The following ATP13A5 variants were observed in gnomAD, a reference collection of about 807,000 sequenced individuals.
ATP13A5 encodes ATPase 13A5, also known as probable cation-transporting ATPase 13A5.
Under a neutral mutation model 150.2 loss-of-function variants are expected in ATP13A5, and 149 were observed. The observed-to-expected ratio is 0.99, with a 90% CI of 0.87 to 1.14. The LOEUF is 1.14. Among genes scored for constraint, ATP13A5 ranks in the 50% most tolerant of loss-of-function variants. The pLI, the probability that ATP13A5 is intolerant of heterozygous loss-of-function variation, is 0.00. For synonymous variants in ATP13A5, 497 were observed against 522.2 expected, an observed-to-expected ratio of 0.95 and a Z score of 0.66; for missense variants, 1,383 against 1,449.3, an observed-to-expected ratio of 0.95 and a Z score of 0.74.
intron 9 of ATP13A5, among the ~76,000 whole-genome samples, chr3:193,341,633 C>G (rs1339260903): frequency 2.0e-5 from 3 of 152,098 alleles, no homozygotes; most frequent in African/African-American, 7.2e-5. Flanking sequence ...TCCATCAGAC[C>G]CCTCTCCCTG....
At chr3:193,309,449 T>C (rs1718754199) in intron 21 of ATP13A5, among the ~76,000 whole-genome samples, 1 of 152,130 alleles carries the variant, frequency 6.6e-6, no homozygotes, top group African/African-American at 2.4e-5. Flanking sequence ...ACAGAACAAA[T>C]GCTCTCTGGA....
At chr3:193,318,395 C>A (rs556463062) in intron 17 of ATP13A5, among the ~76,000 whole-genome samples, 2 of 152,040 alleles carry the variant, frequency 1.3e-5, no homozygotes, top group Non-Finnish European at 2.9e-5. Flanking sequence ...AACTGAAGAA[C>A]GTTGAAAGAA....
At chr3:193,287,070 A>C (rs1161760156) in intron 26 of ATP13A5, among the ~76,000 whole-genome samples, 1 of 152,136 alleles carries the variant, frequency 6.6e-6, no homozygotes, top group Non-Finnish European at 1.5e-5. Context: ...ACTCCCTTCA[A>C]TTCTTTGAAG....
At chr3:193,362,120 T>TA (rs556974781) in intron 5 of ATP13A5, among the ~76,000 whole-genome samples, 10 of 151,888 alleles carry the variant, frequency 6.6e-5, no homozygotes, top group South Asian at 4.2e-4. Flanking sequence ...AAAGGAAAAA[T>TA]AAAAAAACAA....
rs184889278 is a variant in ATP13A5 at position 193,314,592 on chromosome 3, G to A, written c.2158+380C>T. 1.2e-4 allele frequency among the ~76,000 whole-genome samples: 18 copies of A among 152,188 alleles called. No homozygotes were observed. In the East Asian group the frequency reaches 2.1e-3, roughly 18 times the overall value. ...GGGTCAGGCTGTGCTTGGGTTTGAC[G>A]ATCATACACCATGCCTGGCCCTACT... On this transcript the variant is annotated intron_variant, in intron 18 of 29. Coordinates refer to ENST00000342358, the MANE Select transcript of ATP13A5 (RefSeq NM_198505.4).
rs193276633 is a variant in ATP13A5 at position 193,348,768 on chromosome 3, G to A, written c.741+2299C>T. On this transcript the variant is annotated intron_variant, in intron 7 of 29. Transcript: ENST00000342358. ...TCAACAGAATGATTTGGAGATAGCAGTAGATGCTCCTTCTTTCAGTCCTGC... is the reference window on the plus strand; with the variant it reads ...TCAACAGAATGATTTGGAGATAGCAATAGATGCTCCTTCTTTCAGTCCTGC... Among the ~76,000 whole-genome samples, 4 of 152,328 alleles carry A rather than the reference G, an allele frequency of 2.6e-5. No homozygotes were observed. The East Asian group carries it at 7.7e-4, about 29-fold the overall frequency.
chr3:193,353,098 G>A (rs1166639888), intron 6 of ATP13A5, among the ~76,000 whole-genome samples: 5 of 152,116 alleles, frequency 3.3e-5, no homozygotes, highest in Admixed American at 6.5e-5. Flanking sequence ...CCACCCAAGG[G>A]TGGAATGGGA....
intron 22 of ATP13A5, among the ~76,000 whole-genome samples, chr3:193,305,885 G>A (rs1191819348): frequency 6.6e-6 from 1 of 152,122 alleles, no homozygotes; most frequent in Non-Finnish European, 1.5e-5. Context: ...AAAGTGGTGT[G>A]TGTACATGCA....
Position 193,363,229 on chromosome 3 carries a change from A to G in ATP13A5, c.384+7T>C, listed in dbSNP as rs780557454. 1.2e-6 allele frequency: 2 copies of G among 1,611,702 alleles called. No homozygotes were observed. Among genetic ancestry groups the G allele is most frequent in the South Asian group, 2.2e-5 (2 of 90,500 alleles). On this transcript the variant is annotated splice_region_variant and intron_variant, in intron 3 of 29. Coordinates refer to ENST00000342358, the MANE Select transcript of ATP13A5 (RefSeq NM_198505.4). ...ATGCATAACACCATACCCTTCAAGT[A>G]ACTTACTTTTAATTCTGGCTTTATT...
chr3:193,284,862 G>A (rs1717649852), intron 27 of ATP13A5, 52 bp downstream of exon 27: 1 of 1,435,082 alleles, frequency 7.0e-7, no homozygotes, highest in African/African-American at 1.4e-5. Context: ...TCTAGGGTGA[G>A]AAAGGGAATG....
At position 193,354,351 on chromosome 3, in the gene ATP13A5, A is replaced by G. The variant is rs141538468; in HGVS notation, c.537-155T>C. Among the ~76,000 whole-genome samples the G allele has an allele frequency of 5.8e-3, 887 of 152,258 alleles. 12 individuals are homozygous for G. The highest frequency in any genetic ancestry group is 0.024 in the Middle Eastern group (7 of 294). ...AAGTTCTTTTGAAACGTAATTCTAA[A>G]CTACTATTTTTGAAATGAAAGTCAG... On this transcript the variant is annotated intron_variant, in intron 5 of 29. Transcript: ENST00000342358.
At position 193,362,319 on chromosome 3, in the gene ATP13A5, C is replaced by T. The variant is rs142300240; in HGVS notation, c.536+62G>A. The T allele has an allele frequency of 9.6e-4, 1,367 of 1,421,752 alleles. 14 individuals are homozygous for T. In the East Asian group the frequency reaches 0.024, roughly 25 times the overall value. The allele number at this position is 1,421,752 out of a possible 1,614,324, so 88.1% of individuals were successfully genotyped here. A position where few individuals can be genotyped will look rare whatever the true frequency, so the allele number is the denominator to read the frequency against. ...TATGCCAACAATGCACTGATGATAACTGATTTGATACTTCATTTTCTGCTG... is the reference window on the plus strand; with the variant it reads ...TATGCCAACAATGCACTGATGATAATTGATTTGATACTTCATTTTCTGCTG... On this transcript the variant is annotated intron_variant, in intron 5 of 29. Transcript: ENST00000342358.
At chr3:193,335,683 C>T (rs560393391) in intron 9 of ATP13A5, among the ~76,000 whole-genome samples, 1 of 152,254 alleles carries the variant, frequency 6.6e-6, no homozygotes, top group East Asian at 1.9e-4. Context: ...CCATTTTTAT[C>T]ATCTCATTCT....
chr3:193,370,623 G>C (rs760641646), intron 1 of ATP13A5, among the ~76,000 whole-genome samples: 1 of 151,968 alleles, frequency 6.6e-6, no homozygotes, highest in Non-Finnish European at 1.5e-5. Flanking sequence ...TATTGTCTAG[G>C]GTTATTGTTA....
chr3:193,282,194 CAAT>C (rs999337215), intron 27 of ATP13A5, among the ~76,000 whole-genome samples: 4 of 151,746 alleles, frequency 2.6e-5, no homozygotes, highest in Admixed American at 2.0e-4. Flanking sequence ...GACTCCATCT[CAAT>C]AATAATAATA....
At chr3:193,355,520 A>G (rs1273502295) in intron 5 of ATP13A5, among the ~76,000 whole-genome samples, 3 of 152,226 alleles carry the variant, frequency 2.0e-5, no homozygotes, top group Non-Finnish European at 4.4e-5. Flanking sequence ...GAGGTATAAC[A>G]GAGAGCTGAG....
intron 14 of ATP13A5, 79 bp from the exon 15 acceptor site, chr3:193,322,653 T>G: frequency 9.7e-7 from 1 of 1,031,846 alleles, no homozygotes. Flanking sequence ...TGCACAATAC[T>G]TTAATCTTTT....
At chr3:193,348,050 A>T (rs1712415536) in intron 7 of ATP13A5, among the ~76,000 whole-genome samples, 1 of 152,160 alleles carries the variant, frequency 6.6e-6, no homozygotes, top group African/African-American at 2.4e-5. Context: ...AAATTATTCT[A>T]CTTCTCCCAA....
intron 24 of ATP13A5, 130 bp downstream of exon 24, chr3:193,301,081 T>G (rs776391312): frequency 5.5e-5 from 43 of 787,984 alleles, no homozygotes; most frequent in Admixed American, 2.3e-4. Context: ...TTCCTGAGTT[T>G]GCAGACACCT....
Sources: gnomAD v4.1 joint callset for allele counts (sites outside exome capture counted in the v4.1 genomes callset) on GRCh38, gnomAD v4.1.1 for gene constraint, MANE v1.5 for transcripts, NCBI Gene and HGNC (gene_info 2026-07-23, HGNC 2026-07-21) for gene names.